DCDC2C: variants seen among roughly 807,000 people sequenced by gnomAD.
The protein encoded by DCDC2C is doublecortin domain-containing protein 2C.
A neutral mutation model predicts 45.0 loss-of-function variants in DCDC2C; 44 were observed. The observed-to-expected ratio is 0.98, with a 90% CI of 0.77 to 1.26. DCDC2C has a LOEUF of 1.26. Ranked by LOEUF, DCDC2C falls within the 50% of genes most tolerant of loss-of-function variation. The pLI is 0.00. For synonymous variants in DCDC2C, 187 were observed against 178.8 expected (o/e 1.05, Z -0.37); for missense variants, 447 against 468.9 (o/e 0.95, Z 0.43).
Position 3,703,761 on chromosome 2 carries a change from C to T in DCDC2C, c.10C>T (p.Arg4Cys), listed in dbSNP as rs1667938704. The T allele has an allele frequency of 2.4e-6, 3 of 1,233,042 alleles. No individual in the cohort carries two copies. The highest frequency in any genetic ancestry group is 8.0e-5 in the South Asian group (2 of 24,968). 76.4% of individuals were successfully genotyped at this position (1,233,042 alleles called of 1,614,324 possible). A position where few individuals can be genotyped will look rare whatever the true frequency, so the allele number is the denominator to read the frequency against. ...GGAGCGGGGCGCGGCTATGGGAACC[C>T]GCGGGCCCTCCGCGCCGGTGGACAC... MGT[R>C]GPSAPVDTTP... The change falls in exon 1 of 11, where the codon CGC becomes TGC. Residue 4 changes from arginine (R) to cysteine (C), a missense_variant. Physicochemically the swap from Arg to Cys is radical, Grantham distance 180. Coordinates refer to ENST00000399143, the MANE Select transcript of DCDC2C (RefSeq NM_001287444.2). This position sits in a 1 kb window ranked among gnomAD's most constrained non-coding sequence, Gnocchi z 4.4.
intron 9 of DCDC2C, 68 bp from the exon 10 acceptor site, chr2:3,784,991 G>A: frequency 8.9e-7 from 1 of 1,118,640 alleles, no homozygotes. Context: ...AGGTGGGGGA[G>A]ATTAAGGATT....
intron 10 of DCDC2C, among the ~76,000 whole-genome samples, chr2:3,812,088 G>A (rs1169282225): frequency 6.6e-6 from 1 of 152,082 alleles, no homozygotes; most frequent in Non-Finnish European, 1.5e-5. Context: ...AATGATGCTG[G>A]CTTCATAAAA....
chr2:3,743,760 A>G (rs11683410), intron 4 of DCDC2C, among the ~76,000 whole-genome samples: 2,775 of 152,284 alleles, frequency 0.018, 78 homozygotes, highest in African/African-American at 0.063. Flanking sequence ...CTAAGAGTGA[A>G]TTTTATAAAG....
At chr2:3,782,481 CT>C (rs35616710) in intron 9 of DCDC2C, among the ~76,000 whole-genome samples, 42,280 of 143,350 alleles carry the variant, frequency 0.29, 6,256 homozygotes, top group East Asian at 0.57. Flanking sequence ...TTCTTCAGTT[CT>C]TTTTTTTTTT....
chr2:3,814,534 C>A (rs1253928331), intron 10 of DCDC2C, among the ~76,000 whole-genome samples: 7 of 152,236 alleles, frequency 4.6e-5, no homozygotes, highest in African/African-American at 1.7e-4. Flanking sequence ...ATCTGATCAT[C>A]CTCCTGTCCC....
At chr2:3,716,888 G>A (rs1018260957) in intron 2 of DCDC2C, among the ~76,000 whole-genome samples, 1 of 152,072 alleles carries the variant, frequency 6.6e-6, no homozygotes, top group Non-Finnish European at 1.5e-5. Context: ...CCTTTCTAAG[G>A]CTGAATTCCA....
chr2:3,831,736 G>A (rs1671956605), intron 10 of DCDC2C, among the ~76,000 whole-genome samples: 1 of 152,202 alleles, frequency 6.6e-6, no homozygotes, highest in African/African-American at 2.4e-5. Flanking sequence ...AGAAGTCAGA[G>A]TCCTCGGATC....
chr2:3,770,859 G>T (rs1483353594), intron 8 of DCDC2C, among the ~76,000 whole-genome samples: 1 of 152,198 alleles, frequency 6.6e-6, no homozygotes, highest in Non-Finnish European at 1.5e-5. Context: ...AGTGAATTCG[G>T]TTATCCCGCA....
chr2:3,778,704 A>G (rs1027297184), intron 8 of DCDC2C, 112 bp from the exon 9 acceptor site: 28 of 940,162 alleles, frequency 3.0e-5, no homozygotes, highest in Non-Finnish European at 4.3e-5. Context: ...TGACTTCCCC[A>G]GCTCTACCCA....
chr2:3,716,363 C>A (rs1384321973), intron 2 of DCDC2C, among the ~76,000 whole-genome samples: 2 of 152,016 alleles, frequency 1.3e-5, no homozygotes, highest in South Asian at 2.1e-4. Flanking sequence ...CGCTGCTGAC[C>A]AGACAAGGAA....
intron 10 of DCDC2C, among the ~76,000 whole-genome samples, chr2:3,833,470 C>A (rs145342027): frequency 6.6e-6 from 1 of 152,180 alleles, no homozygotes; most frequent in African/African-American, 2.4e-5. Context: ...TTGTCCTACA[C>A]GTTTTGTGTG....
chr2:3,729,104 G>A (rs1388485154), intron 3 of DCDC2C, among the ~76,000 whole-genome samples: 1 of 152,250 alleles, frequency 6.6e-6, no homozygotes, highest in African/African-American at 2.4e-5. Flanking sequence ...CCCTGAGTCA[G>A]TGAATGAGCC....
chr2:3,736,285 AG>A (rs1339848781), intron 3 of DCDC2C, among the ~76,000 whole-genome samples: 1 of 152,178 alleles, frequency 6.6e-6, no homozygotes, highest in Admixed American at 6.5e-5. Flanking sequence ...TGCTGCTTTA[AG>A]GGGTCCCACA....
chr2:3,845,236 G>A (rs1672300108), intron 10 of DCDC2C, among the ~76,000 whole-genome samples: 1 of 152,194 alleles, frequency 6.6e-6, no homozygotes, highest in Non-Finnish European at 1.5e-5. Context: ...AACCGTGCTG[G>A]ACACACAAAA....
chr2:3,799,720 C>A (rs1671061941), intron 10 of DCDC2C, among the ~76,000 whole-genome samples: 1 of 152,266 alleles, frequency 6.6e-6, no homozygotes, highest in African/African-American at 2.4e-5. Flanking sequence ...AGGCAGTCTG[C>A]CCGTCCTCAG....
At chr2:3,733,027 C>A (rs1479034776) in intron 3 of DCDC2C, among the ~76,000 whole-genome samples, 1 of 152,216 alleles carries the variant, frequency 6.6e-6, no homozygotes, top group Non-Finnish European at 1.5e-5. Context: ...AGAGAGGATA[C>A]CCCAAGTGGG....
chr2:3,767,871 AG>A lies in DCDC2C; in HGVS notation c.848del (p.Gly283ValfsTer41), dbSNP rs543756047. The A allele has an allele frequency of 2.1e-4, 325 of 1,524,270 alleles. No homozygotes were observed. The highest frequency in any genetic ancestry group is 2.8e-4 in the Non-Finnish European group (316 of 1,137,950). 94.4% of individuals were successfully genotyped at this position (1,524,270 alleles called of 1,614,324 possible). ...AACATTGGCAGAACCTTTAGTCCAAAGGGGTGCAGGTGACGTGCAGTTTCAT... is the reference window on the plus strand; with the variant it reads ...AACATTGGCAGAACCTTTAGTCCAAAGGGTGCAGGTGACGTGCAGTTTCAT... The part of the protein sequence containing the change: ...KKTLAEPLVQ[R>X]GAEGDVYKAP... On this transcript the variant is annotated frameshift_variant, in exon 7 of 11. Transcript: ENST00000399143. LOFTEE classifies it high-confidence loss of function.
chr2:3,843,897 A>G (rs1303868609), intron 10 of DCDC2C, among the ~76,000 whole-genome samples: 1 of 152,170 alleles, frequency 6.6e-6, no homozygotes, highest in Non-Finnish European at 1.5e-5. Flanking sequence ...GCATGCAAAA[A>G]CACATTGCAC....
At chr2:3,839,748 C>T (rs1414244946) in intron 10 of DCDC2C, among the ~76,000 whole-genome samples, 1 of 152,202 alleles carries the variant, frequency 6.6e-6, no homozygotes, top group African/African-American at 2.4e-5. Flanking sequence ...CTGTCAGCTC[C>T]CGCATCTGCT....
Sources: allele counts gnomAD v4.1 joint callset (sites outside exome capture counted in the v4.1 genomes callset), GRCh38; gene constraint gnomAD v4.1.1; non-coding constraint Gnocchi (gnomAD v3.1); transcripts MANE v1.5; gene names NCBI Gene and HGNC (gene_info 2026-07-23, HGNC 2026-07-21).